NECTIN3: variants seen among roughly 807,000 people sequenced by gnomAD.
NECTIN3 encodes the protein nectin-3.
In NECTIN3, 8 loss-of-function variants were observed where a neutral mutation model predicts 49.4. That is an observed-to-expected ratio of 0.16 (90% CI 0.10 to 0.29). The LOEUF is 0.29. Among genes scored for constraint, NECTIN3 ranks in the 10% least tolerant of loss-of-function variants. NECTIN3 has a pLI of 1.00. For missense variants in NECTIN3, 581 were observed against 654.6 expected, an observed-to-expected ratio of 0.89 and a Z score of 1.23; for synonymous variants, 277 against 241.1, an observed-to-expected ratio of 1.15 and a Z score of -1.38.
upstream of NECTIN3, among the ~76,000 whole-genome samples, chr3:111,192,173 T>C (rs1219896463): frequency 6.6e-6 from 1 of 152,274 alleles, no homozygotes; most frequent in Non-Finnish European, 1.5e-5. Flanking sequence ...CAGGAGAGAG[T>C]GAGTGAAACT....
At chr3:111,129,986 T>A (rs1400651487) in intron 5 of NECTIN3, among the ~76,000 whole-genome samples, 4 of 143,274 alleles carry the variant, frequency 2.8e-5, no homozygotes, top group Admixed American at 1.4e-4. Flanking sequence ...GACAGAGTCT[T>A]GCTCTGTCGC....
intron 7 of NECTIN3, among the ~76,000 whole-genome samples, chr3:111,157,879 A>C (rs2035130385): frequency 6.6e-6 from 1 of 152,064 alleles, no homozygotes; most frequent in Non-Finnish European, 1.5e-5. Flanking sequence ...TCTTCATGTG[A>C]TTCTTAGTGT....
intron 5 of NECTIN3, among the ~76,000 whole-genome samples, chr3:111,129,572 T>C (rs2034300424): frequency 6.6e-6 from 1 of 152,162 alleles, no homozygotes; most frequent in African/African-American, 2.4e-5. Flanking sequence ...ACTTAACTCT[T>C]TAAAAAGGGA....
upstream of NECTIN3, among the ~76,000 whole-genome samples, chr3:111,188,998 A>G (rs1377924639): frequency 1.3e-5 from 2 of 152,126 alleles, no homozygotes; most frequent in Non-Finnish European, 2.9e-5. Flanking sequence ...ACACTGCCAC[A>G]AGGAATAGTC....
intron 7 of NECTIN3, among the ~76,000 whole-genome samples, chr3:111,185,814 TG>T (rs1164970000): frequency 5.9e-5 from 9 of 152,024 alleles, no homozygotes; most frequent in South Asian, 2.1e-4. Flanking sequence ...TTCTGGTGGG[TG>T]GGTAAAGAAA....
At chr3:111,146,096 T>G (rs970506582) in intron 6 of NECTIN3, among the ~76,000 whole-genome samples, 5 of 152,206 alleles carry the variant, frequency 3.3e-5, no homozygotes, top group Non-Finnish European at 7.3e-5. Flanking sequence ...GATAAAATGC[T>G]CTTTCAGTAT....
At chr3:111,170,279 A>G (rs1371316750) in intron 7 of NECTIN3, among the ~76,000 whole-genome samples, 1 of 152,136 alleles carries the variant, frequency 6.6e-6, no homozygotes, top group Non-Finnish European at 1.5e-5. Flanking sequence ...GAATTACTAT[A>G]TTGTGAATAA....
intron 2 of NECTIN3, 22 bp downstream of exon 2, chr3:111,112,393 A>G (rs773602832): frequency 7.2e-7 from 1 of 1,384,220 alleles, no homozygotes; most frequent in Non-Finnish European, 9.8e-7. Flanking sequence ...TGAATTATGT[A>G]TTTTGGTGAT....
intron 7 of NECTIN3, among the ~76,000 whole-genome samples, chr3:111,155,755 T>C (rs1317221665): frequency 1.3e-5 from 2 of 152,184 alleles, no homozygotes; most frequent in Non-Finnish European, 2.9e-5. Flanking sequence ...ATATGGACTT[T>C]TGAGAGAATA....
upstream of NECTIN3, among the ~76,000 whole-genome samples, chr3:111,191,981 C>G (rs2035820812): frequency 1.3e-5 from 2 of 151,918 alleles, no homozygotes; most frequent in Non-Finnish European, 2.9e-5. Flanking sequence ...ACAGGTGTGC[C>G]CCACCACACC....
chr3:111,177,732 G>T (rs969402592), intron 7 of NECTIN3, among the ~76,000 whole-genome samples: 1 of 152,160 alleles, frequency 6.6e-6, no homozygotes, highest in Non-Finnish European at 1.5e-5. Flanking sequence ...AAGCAGAGAT[G>T]CCCCTTGTGA....
chr3:111,160,320 GTT>G (rs1014063550), intron 7 of NECTIN3, among the ~76,000 whole-genome samples: 2 of 151,882 alleles, frequency 1.3e-5, no homozygotes, highest in Non-Finnish European at 2.9e-5. Flanking sequence ...ACCCAATTGT[GTT>G]TCTCTCCCTT....
At chr3:111,096,731 C>G (rs995933160) in intron 1 of NECTIN3, among the ~76,000 whole-genome samples, 10 of 152,174 alleles carry the variant, frequency 6.6e-5, no homozygotes, top group Admixed American at 4.6e-4. Context: ...GTGGAAGCCC[C>G]AAGCCTTGGC....
At chr3:111,082,977 A>T (rs940235690) in intron 1 of NECTIN3, among the ~76,000 whole-genome samples, 2 of 152,150 alleles carry the variant, frequency 1.3e-5, no homozygotes, top group Non-Finnish European at 2.9e-5. Flanking sequence ...AGAATCTAAT[A>T]CTGCTGCTGA....
intron 1 of NECTIN3, among the ~76,000 whole-genome samples, chr3:111,077,645 T>C (rs980223424): frequency 3.3e-5 from 5 of 152,168 alleles, no homozygotes; most frequent in African/African-American, 1.2e-4. Flanking sequence ...GGTTGGGACA[T>C]TTGTATTTTG....
intron 1 of NECTIN3, among the ~76,000 whole-genome samples, chr3:111,107,250 A>C (rs978533056): frequency 6.6e-6 from 1 of 152,102 alleles, no homozygotes; most frequent in Non-Finnish European, 1.5e-5. Context: ...TATTGACTGA[A>C]TGACTATTCA....
downstream of NECTIN3, among the ~76,000 whole-genome samples, chr3:111,139,680 CAACTTT>C (rs1270599012): frequency 1.3e-5 from 2 of 151,760 alleles, no homozygotes; most frequent in Non-Finnish European, 3.0e-5. Flanking sequence ...TGCTTCCTAT[CAACTTT>C]ATCTATCATA....
chr3:111,097,515 T>G (rs1422146906), intron 1 of NECTIN3, among the ~76,000 whole-genome samples: 1 of 152,176 alleles, frequency 6.6e-6, no homozygotes, highest in Non-Finnish European at 1.5e-5. Flanking sequence ...TGATATGGTT[T>G]GGCTGTGTCC....
chr3:111,100,327 T>C (rs2032832080), intron 1 of NECTIN3, among the ~76,000 whole-genome samples: 1 of 152,160 alleles, frequency 6.6e-6, no homozygotes, highest in Admixed American at 6.5e-5. Flanking sequence ...TCACAAAATT[T>C]GAAATGCTCC....
Sources: gnomAD v4.1 joint callset for allele counts (sites outside exome capture counted in the v4.1 genomes callset) on GRCh38, gnomAD v4.1.1 for gene constraint, MANE v1.5 for transcripts, NCBI Gene and HGNC (gene_info 2026-07-23, HGNC 2026-07-21) for gene names.